AIG1: variants seen among roughly 807,000 people sequenced by gnomAD.
The protein encoded by AIG1 is androgen-induced gene 1 protein.
AIG1 carries 23 observed loss-of-function variants against 31.4 expected under a neutral mutation model. That is an observed-to-expected ratio of 0.73 (90% CI 0.53 to 1.04). The LOEUF is 1.04. Among genes scored for constraint, AIG1 ranks in the 50% least tolerant of loss-of-function variants. The probability of loss-of-function intolerance (pLI) is 0.00; values close to 1 mark genes in which losing one functional copy is unlikely to be tolerated. For missense variants in AIG1, 274 were observed against 295.0 expected (o/e 0.93, Z 0.52); for synonymous variants, 100 against 110.5 (o/e 0.90, Z 0.60).
upstream of AIG1, among the ~76,000 whole-genome samples, chr6:143,060,330 TACACCCCACGTTC>T (rs1776112582): frequency 6.6e-6 from 1 of 152,036 alleles, no homozygotes; most frequent in African/African-American, 2.4e-5. Context: ...TGCTCGGGTT[TACACCCCACGTTC>T]ACACCCCCAC....
At position 143,288,251 on chromosome 6, in the gene AIG1, A is replaced by G. The variant is rs1797826523; in HGVS notation, c.515+4026A>G. ...AGGAAACCAACTCAGACCCTAGGAA[A>G]TGTACACCCTCAAAGCTTCAAGAAT... On this transcript the variant is annotated intron_variant, in intron 4 of 5. Transcript: ENST00000357847. The surrounding 1 kb of genome is among the most constrained non-coding windows in gnomAD (Gnocchi z 4.4). 6.6e-6 allele frequency among the ~76,000 whole-genome samples: 1 copy of G among 152,176 alleles called. No homozygotes were observed. The highest frequency in any genetic ancestry group is 1.5e-5 in the Non-Finnish European group (1 of 68,034).
intron 2 of AIG1, chr6:143,164,822 G>T (rs1010552372): frequency 1.2e-5 from 4 of 325,456 alleles, no homozygotes; most frequent in Non-Finnish European, 2.3e-5. Context: ...ACGAAAACAG[G>T]CCTCTTCTCT....
intron 1 of AIG1, among the ~76,000 whole-genome samples, chr6:143,100,689 T>C (rs185666488): frequency 3.7e-4 from 55 of 148,994 alleles, no homozygotes; most frequent in African/African-American, 1.3e-3. Flanking sequence ...AAGTTTATTC[T>C]CTTTTTTTTT....
chr6:143,060,915 C>A lies in AIG1; in HGVS notation c.-11C>A. ...TCCTTGCCGCCCAGCCGGTCCAGGC[C>A]TCTGGCGAACATGGCGCTTGTCCCC... On this transcript the variant is annotated 5_prime_UTR_variant, in exon 1 of 6. Transcript: ENST00000357847. 6.2e-7 allele frequency: 1 copy of A among 1,601,362 alleles called. No individual in the cohort carries two copies. Among genetic ancestry groups the A allele is most frequent in the Non-Finnish European group, 8.5e-7 (1 of 1,175,422 alleles).
At chr6:143,079,759 T>C (rs1450329568) in intron 1 of AIG1, among the ~76,000 whole-genome samples, 6 of 151,632 alleles carry the variant, frequency 4.0e-5, no homozygotes, top group African/African-American at 1.5e-4. Flanking sequence ...CATCTGTGAT[T>C]ATTTTCTTAG....
intron 1 of AIG1, among the ~76,000 whole-genome samples, chr6:143,092,566 G>A (rs1383308230): frequency 6.6e-6 from 1 of 152,168 alleles, no homozygotes; most frequent in Non-Finnish European, 1.5e-5. Context: ...CATTGTCAAT[G>A]AGCAGTTATA....
chr6:143,329,549 CTATAT>C lies in AIG1; in HGVS notation c.516-3732_516-3728del, dbSNP rs1776901219. On this transcript the variant is annotated intron_variant, in intron 4 of 5. Transcript: ENST00000357847. This position sits in a 1 kb window ranked among gnomAD's most constrained non-coding sequence, Gnocchi z 4.9. Reference sequence around the variant, plus strand: ...ACAATAGTACGATGAGAATGCCATGCTATATCTAGAATTGCTGAGAAGACTAGATG... The same window carrying C: ...ACAATAGTACGATGAGAATGCCATGCCTAGAATTGCTGAGAAGACTAGATG... Among the ~76,000 whole-genome samples, 1 of 152,144 alleles carries C rather than the reference CTATAT, an allele frequency of 6.6e-6. No homozygotes were observed. Among genetic ancestry groups the C allele is most frequent in the Non-Finnish European group, 1.5e-5 (1 of 68,034 alleles).
rs750591449 is a variant in AIG1 at position 143,232,601 on chromosome 6, T to C, written c.400-51509T>C. On this transcript the variant is annotated intron_variant, in intron 3 of 5. Transcript: ENST00000357847. ...TCCTTCCTTTGAGGTAAAAATTGAT[T>C]TTTCTAGCCCATCTTTTCTAAAGAG... 2.0e-5 allele frequency among the ~76,000 whole-genome samples: 3 copies of C among 152,326 alleles called. No individual in the cohort carries two copies. The South Asian group carries it at 6.2e-4, about 32-fold the overall frequency.
intron 3 of AIG1, among the ~76,000 whole-genome samples, chr6:143,209,206 G>A (rs761759506): frequency 5.9e-5 from 9 of 152,172 alleles, no homozygotes; most frequent in Admixed American, 2.0e-4. Flanking sequence ...CATTTACCAC[G>A]TACTGAATTT....
intron 2 of AIG1, among the ~76,000 whole-genome samples, chr6:143,142,784 T>C (rs775649211): frequency 6.6e-6 from 1 of 152,228 alleles, no homozygotes; most frequent in Non-Finnish European, 1.5e-5. Flanking sequence ...TCTAGAATCC[T>C]TTAAAACTTG....
At chr6:143,296,856 A>G (rs1798461996) in intron 4 of AIG1, among the ~76,000 whole-genome samples, 1 of 152,202 alleles carries the variant, frequency 6.6e-6, no homozygotes, top group Non-Finnish European at 1.5e-5. Context: ...TTGTTATTGT[A>G]ATATTTTAAT....
At chr6:143,139,784 A>AT (rs1784098393) in intron 2 of AIG1, among the ~76,000 whole-genome samples, 1 of 151,820 alleles carries the variant, frequency 6.6e-6, no homozygotes, top group African/African-American at 2.4e-5. Context: ...TTGCTATGCT[A>AT]TTTGATGTTT....
intron 3 of AIG1, among the ~76,000 whole-genome samples, chr6:143,253,426 T>C (rs1349162886): frequency 6.6e-6 from 1 of 152,230 alleles, no homozygotes; most frequent in Non-Finnish European, 1.5e-5. Context: ...TCCATTGTTA[T>C]TCTGTGAAAA....
chr6:143,294,773 G>C (rs963733503), intron 4 of AIG1, among the ~76,000 whole-genome samples: 4 of 152,046 alleles, frequency 2.6e-5, no homozygotes, highest in Admixed American at 6.6e-5. Context: ...GATACACTCT[G>C]TTCCTCTGAT....
intron 4 of AIG1, among the ~76,000 whole-genome samples, chr6:143,311,638 CAGAAGA>C (rs1775282918): frequency 1.3e-5 from 2 of 151,758 alleles, no homozygotes; most frequent in Non-Finnish European, 2.9e-5. Context: ...AAAAACCTCT[CAGAAGA>C]CTATAAATAG....
At chr6:143,181,699 A>G (rs1311096481) in intron 3 of AIG1, among the ~76,000 whole-genome samples, 4 of 152,212 alleles carry the variant, frequency 2.6e-5, no homozygotes, top group African/African-American at 9.7e-5. Flanking sequence ...ATTGTGAACT[A>G]CTTTGTGAGA....
intron 4 of AIG1, among the ~76,000 whole-genome samples, chr6:143,313,627 A>T (rs1775491252): frequency 6.6e-6 from 1 of 152,050 alleles, no homozygotes; most frequent in South Asian, 2.1e-4. Context: ...AATGAATAAG[A>T]TCTAGTATTT....
rs951985200 is a variant in AIG1 at position 143,188,616 on chromosome 6, G to A, written c.399+23433G>A. 1.5e-5 allele frequency: 15 copies of A among 985,030 alleles called. No individual in the cohort carries two copies. The African/African-American group carries it at 2.4e-4, about 16-fold the overall frequency. 61.0% of individuals were successfully genotyped at this position (985,030 alleles called of 1,614,324 possible). On this transcript the variant is annotated intron_variant, in intron 3 of 5. Transcript: ENST00000357847. ...ATCTATTCTCTTATGCCAGCTCTCA[G>A]ATTTGTATATAAAATCTGATTCTAC...
At chr6:143,174,218 G>T (rs575206637) in intron 3 of AIG1, among the ~76,000 whole-genome samples, 1 of 152,294 alleles carries the variant, frequency 6.6e-6, no homozygotes, top group East Asian at 1.9e-4. Context: ...GCCAGGCATG[G>T]TGGCTCACGC....
Sources: allele counts gnomAD v4.1 joint callset (sites outside exome capture counted in the v4.1 genomes callset), GRCh38; gene constraint gnomAD v4.1.1; non-coding constraint Gnocchi (gnomAD v3.1); transcripts MANE v1.5; gene names NCBI Gene and HGNC (gene_info 2026-07-23, HGNC 2026-07-21).